WWOX: variants seen among roughly 807,000 people sequenced by gnomAD.
The protein encoded by WWOX is WW domain containing oxidoreductase.
WWOX carries 69 observed loss-of-function variants against 46.2 expected under a neutral mutation model. The ratio of observed to expected loss-of-function variants is 1.49; its 90% CI spans 1.23 to 1.82. The LOEUF is 1.82. Among genes scored for constraint, WWOX ranks in the 40% most tolerant of loss-of-function variants. The probability of loss-of-function intolerance (pLI) is 0.00; values close to 1 mark genes in which losing one functional copy is unlikely to be tolerated. For synonymous variants in WWOX, 359 were observed against 202.6 expected, an observed-to-expected ratio of 1.77 and a Z score of -6.56; for missense variants, 919 against 542.6, an observed-to-expected ratio of 1.69 and a Z score of -6.89.
rs1567608668 is a variant in WWOX at position 78,500,636 on chromosome 16, TG to T, written c.1056+67890del. ...AGATGACTCATTACAATTTATAAAA[TG>T]GGGGGCTTAGCTTGGGTATCATCGT... is the stretch of plus-strand genomic sequence containing the variant. On this transcript the variant is annotated intron_variant, in intron 8 of 8. Transcript: ENST00000566780. Among the ~76,000 whole-genome samples the T allele has an allele frequency of 5.9e-5, 9 of 152,290 alleles. 1 individual carries two copies. Among genetic ancestry groups the T allele is most frequent in the Non-Finnish European group, 1.5e-5 (1 of 68,016 alleles).
At chr16:78,852,232 C>T (rs1294742744) in intron 8 of WWOX, among the ~76,000 whole-genome samples, 1 of 152,192 alleles carries the variant, frequency 6.6e-6, no homozygotes. Context: ...ACCCTCACTT[C>T]CTGGGTTTTA....
intron 8 of WWOX, among the ~76,000 whole-genome samples, chr16:78,479,548 A>G (rs139558715): frequency 1.3e-5 from 2 of 152,358 alleles, no homozygotes; most frequent in Admixed American, 6.5e-5. Context: ...ATGGTATAGA[A>G]TAAGATATTT....
At chr16:78,923,187 G>A (rs2045419409) in intron 8 of WWOX, among the ~76,000 whole-genome samples, 1 of 151,604 alleles carries the variant, frequency 6.6e-6, no homozygotes, top group South Asian at 2.1e-4. Flanking sequence ...CTCCATGTTG[G>A]TCAGGCTGGT....
intron 8 of WWOX, among the ~76,000 whole-genome samples, chr16:78,572,694 A>G (rs2044747693): frequency 6.6e-6 from 1 of 152,008 alleles, no homozygotes. Context: ...AGGCAAAGCT[A>G]AACATTCAGG....
intron 5 of WWOX, among the ~76,000 whole-genome samples, chr16:78,223,039 CTCTGGCATGGACTT>C (rs972861166): frequency 1.3e-5 from 2 of 152,160 alleles, no homozygotes; most frequent in Non-Finnish European, 2.9e-5. Context: ...CTGGTTGAAG[CTCTGGCATGGACTT>C]TCCTGCCCAA....
chr16:78,606,752 A>C (rs1283334064), intron 8 of WWOX, among the ~76,000 whole-genome samples: 2 of 125,078 alleles, frequency 1.6e-5, no homozygotes, highest in Non-Finnish European at 3.2e-5. Context: ...TAAATAGGGG[A>C]CGCTATTGTC....
intron 8 of WWOX, among the ~76,000 whole-genome samples, chr16:79,152,995 G>A (rs940640330): frequency 1.6e-4 from 25 of 152,294 alleles, no homozygotes; most frequent in African/African-American, 5.3e-4. Flanking sequence ...GAAATACAAG[G>A]AAGGAAGAGA....
At chr16:78,762,250 T>G (rs2049812722) in intron 8 of WWOX, among the ~76,000 whole-genome samples, 1 of 152,184 alleles carries the variant, frequency 6.6e-6, no homozygotes, top group African/African-American at 2.4e-5. Flanking sequence ...GACTGTGCCC[T>G]TTCATCCACC....
At chr16:78,556,893 A>G (rs1490559958) in intron 8 of WWOX, among the ~76,000 whole-genome samples, 3 of 151,494 alleles carry the variant, frequency 2.0e-5, no homozygotes, top group African/African-American at 7.3e-5. Flanking sequence ...TAAGTTTTCT[A>G]TTTTCAATAG....
At chr16:78,839,250 T>G (rs2052073268) in intron 8 of WWOX, among the ~76,000 whole-genome samples, 1 of 152,176 alleles carries the variant, frequency 6.6e-6, no homozygotes, top group Non-Finnish European at 1.5e-5. Context: ...TTTTGATATA[T>G]TTTCTCTTCC....
intron 8 of WWOX, among the ~76,000 whole-genome samples, chr16:78,862,965 T>TG (rs2043923482): frequency 1.3e-5 from 2 of 150,756 alleles, no homozygotes; most frequent in African/African-American, 4.9e-5. Flanking sequence ...CCAAGTTTTT[T>TG]TTTTTTTTTT....
intron 8 of WWOX, among the ~76,000 whole-genome samples, chr16:78,683,162 CTGAG>C (rs1234377443): frequency 4.6e-5 from 7 of 152,096 alleles, no homozygotes; most frequent in Non-Finnish European, 1.0e-4. Context: ...AAGGAAAACA[CTGAG>C]TGTTACTTGG....
chr16:78,699,877 T>C (rs562494607), intron 8 of WWOX, among the ~76,000 whole-genome samples: 36 of 152,284 alleles, frequency 2.4e-4, no homozygotes, highest in African/African-American at 8.7e-4. Flanking sequence ...TCTAAGATAA[T>C]GGTTTTTCAT....
intron 8 of WWOX, among the ~76,000 whole-genome samples, chr16:78,637,211 C>G (rs184932333): frequency 6.6e-6 from 1 of 152,284 alleles, no homozygotes; most frequent in East Asian, 1.9e-4. Flanking sequence ...CACCTGAGGT[C>G]AGGAGTTTGA....
chr16:78,805,317 A>G (rs969726717), intron 8 of WWOX, among the ~76,000 whole-genome samples: 1 of 152,094 alleles, frequency 6.6e-6, no homozygotes, highest in African/African-American at 2.4e-5. Flanking sequence ...CAGTGGCGCC[A>G]TCTCAGGATC....
chr16:78,431,531 C>T (rs1175837497), intron 7 of WWOX, among the ~76,000 whole-genome samples: 1 of 152,062 alleles, frequency 6.6e-6, no homozygotes, highest in East Asian at 1.9e-4. Context: ...AGCAGCAGCC[C>T]TTTATTCAAG....
At chr16:79,079,079 A>C (rs2048712876) in intron 8 of WWOX, among the ~76,000 whole-genome samples, 1 of 152,236 alleles carries the variant, frequency 6.6e-6, no homozygotes, top group Admixed American at 6.5e-5. Context: ...GCCTTAACAT[A>C]ATATAAAATG....
chr16:78,812,258 C>T (rs921806830), intron 8 of WWOX, among the ~76,000 whole-genome samples: 1 of 152,140 alleles, frequency 6.6e-6, no homozygotes, highest in East Asian at 1.9e-4. Context: ...ATGCCCCATT[C>T]TGTGAGGGTG....
intron 8 of WWOX, among the ~76,000 whole-genome samples, chr16:78,716,612 C>A (rs987019889): frequency 2.6e-5 from 4 of 152,054 alleles, no homozygotes; most frequent in Non-Finnish European, 4.4e-5. Context: ...TCTGTGATAA[C>A]CCTCATCTCT....
Sources: gnomAD v4.1 joint callset for allele counts (sites outside exome capture counted in the v4.1 genomes callset) on GRCh38, gnomAD v4.1.1 for gene constraint, MANE v1.5 for transcripts, NCBI Gene and HGNC (gene_info 2026-07-23, HGNC 2026-07-21) for gene names.